CHLSN: variants seen among roughly 807,000 people sequenced by gnomAD.
CHLSN encodes cholesin.
chr7:1,010,220 GC>G, the CHLSN span: 1 of 1,383,174 alleles, frequency 7.2e-7, no homozygotes, highest in South Asian at 1.4e-5. Context: ...GGCTTCCCGA[GC>G]CCACCCTCAC....
At chr7:1,072,283 T>C in the CHLSN span, among the ~76,000 whole-genome samples, 1 of 152,160 alleles carries the variant, frequency 6.6e-6, no homozygotes, top group Non-Finnish European at 1.5e-5. Context: ...CTGCAGCCCG[T>C]GTGCTGAGGA....
At chr7:1,116,775 A>G in the CHLSN span, among the ~76,000 whole-genome samples, 643 of 43,788 alleles carry the variant, frequency 0.015, 146 homozygotes, top group Admixed American at 0.02. Context: ...TTCCATCACC[A>G]ACGCCCATGC....
chr7:1,132,245 A>G, the CHLSN span, among the ~76,000 whole-genome samples: 1 of 152,242 alleles, frequency 6.6e-6, no homozygotes, highest in African/African-American at 2.4e-5. Context: ...GCTGCAAAGG[A>G]TGCCAGCAAG....
At chr7:1,065,687 G>A in the CHLSN span, among the ~76,000 whole-genome samples, 3 of 152,228 alleles carry the variant, frequency 2.0e-5, no homozygotes, top group South Asian at 6.2e-4. Flanking sequence ...GACGGAGGCG[G>A]TCTCCCTTGC....
chr7:984,974 G>A, the CHLSN span: 13 of 1,606,496 alleles, frequency 8.1e-6, no homozygotes, highest in South Asian at 4.4e-5. Flanking sequence ...TCTGGGGCGC[G>A]CTGGAGGGCT....
chr7:1,022,159 G>A, the CHLSN span, among the ~76,000 whole-genome samples: 6 of 152,318 alleles, frequency 3.9e-5, no homozygotes, highest in African/African-American at 1.4e-4. Flanking sequence ...CGTGAGCCAC[G>A]GTGGTGACGG....
the CHLSN span, among the ~76,000 whole-genome samples, chr7:1,062,074 G>T: frequency 6.6e-6 from 1 of 152,240 alleles, no homozygotes; most frequent in African/African-American, 2.4e-5. Flanking sequence ...ACGTCCCAGG[G>T]TCAATGATAT....
At chr7:1,068,979 G>A in the CHLSN span, among the ~76,000 whole-genome samples, 2 of 152,198 alleles carry the variant, frequency 1.3e-5, no homozygotes, top group Non-Finnish European at 2.9e-5. Flanking sequence ...ATGGCTTGTT[G>A]TGACCGTGCT....
At chr7:1,000,475 C>T in the CHLSN span, 25 of 1,603,298 alleles carry the variant, frequency 1.6e-5, 1 homozygote, top group East Asian at 5.4e-4. Flanking sequence ...CACACCTTGT[C>T]ACTGTCATAC....
chr7:1,040,690 CAAAA>C, the CHLSN span, among the ~76,000 whole-genome samples: 2 of 145,338 alleles, frequency 1.4e-5, no homozygotes, highest in African/African-American at 2.5e-5. Flanking sequence ...TTAAAAAGAA[CAAAA>C]AAAAAAAAAA....
chr7:1,062,643 G>A, the CHLSN span, among the ~76,000 whole-genome samples: 1 of 152,170 alleles, frequency 6.6e-6, no homozygotes, highest in Non-Finnish European at 1.5e-5. Flanking sequence ...ACACCCCTGA[G>A]GGCTTCTGTG....
the CHLSN span, among the ~76,000 whole-genome samples, chr7:1,004,371 G>A: frequency 6.6e-6 from 1 of 152,174 alleles, no homozygotes; most frequent in East Asian, 1.9e-4. Context: ...GGAACGTGGA[G>A]TGGTGACCCC....
At chr7:1,077,213 T>G in the CHLSN span, among the ~76,000 whole-genome samples, 1 of 152,238 alleles carries the variant, frequency 6.6e-6, no homozygotes, top group African/African-American at 2.4e-5. Flanking sequence ...TGGAGTGCAG[T>G]GGTGCCATCT....
chr7:1,004,094 C>T, the CHLSN span, among the ~76,000 whole-genome samples: 6 of 152,132 alleles, frequency 3.9e-5, no homozygotes, highest in Middle Eastern at 3.4e-3. Context: ...TGTGCAGTGA[C>T]GCAGGGCTCC....
the CHLSN span, among the ~76,000 whole-genome samples, chr7:1,002,582 CGGGTGAGTGGAGCCCTGT>C: frequency 1.3e-3 from 21 of 16,508 alleles, no homozygotes; most frequent in East Asian, 0.016. Context: ...TGGAGCCCTG[CGGGTGAGTGGAGCCCTGT>C]GGGTGAGTGG....
chr7:1,136,493 CATATAAATATATATAAACAT>C, the CHLSN span, among the ~76,000 whole-genome samples: 297 of 100,136 alleles, frequency 3.0e-3, 5 homozygotes, highest in African/African-American at 7.1e-3. Flanking sequence ...CATATATAAA[CATATAAATATATATAAACAT>C]ATATAAATAT....
the CHLSN span, among the ~76,000 whole-genome samples, chr7:996,647 C>G: frequency 6.6e-6 from 1 of 152,258 alleles, no homozygotes; most frequent in Non-Finnish European, 1.5e-5. Flanking sequence ...CCCGGCCCTC[C>G]CCGGCAGCTG....
chr7:1,111,107 C>A, the CHLSN span, among the ~76,000 whole-genome samples: 2 of 152,196 alleles, frequency 1.3e-5, no homozygotes, highest in African/African-American at 4.8e-5. Flanking sequence ...CAACAAAAAA[C>A]ATTTAATGTC....
chr7:1,083,926 C>T, the CHLSN span, among the ~76,000 whole-genome samples: 6 of 152,248 alleles, frequency 3.9e-5, no homozygotes, highest in East Asian at 1.9e-4. Context: ...CGCGGAGCCA[C>T]GGCCTGCGTG....
Sources: gnomAD v4.1 joint callset for allele counts (sites outside exome capture counted in the v4.1 genomes callset) on GRCh38, gnomAD v4.1.1 for gene constraint, MANE v1.5 for transcripts, NCBI Gene and HGNC (gene_info 2026-07-23, HGNC 2026-07-21) for gene names.